The following TASP1 variants were observed in gnomAD, a reference collection of about 807,000 sequenced individuals.
TASP1 encodes taspase 1.
A neutral mutation model predicts 56.6 loss-of-function variants in TASP1; 16 were observed. That is an observed-to-expected ratio of 0.28 (90% CI 0.19 to 0.43). The LOEUF is 0.43. Ranked by LOEUF, TASP1 falls within the 20% of genes least tolerant of loss-of-function variation. TASP1 has a pLI of 1.00. For missense variants in TASP1, 393 were observed against 511.6 expected (o/e 0.77, Z 2.24); for synonymous variants, 179 against 184.2 (o/e 0.97, Z 0.23).
Position 13,569,555 on chromosome 20 carries a change from C to A in TASP1, c.520G>T (p.Ala174Ser). 6.2e-7 allele frequency: 1 copy of A among 1,612,412 alleles called. No homozygotes were observed. The highest frequency in any genetic ancestry group is 1.7e-4 in the Middle Eastern group (1 of 5,936). Residue 174 changes from alanine to serine, a missense_variant, in exon 7 of 14, where the codon GCA (alanine) becomes TCA (serine). By Grantham distance (99) the Ala-to-Ser change is moderately conservative. This residue lies in a region of TASP1 where 293 missense variants were observed against 354.2 expected (regional missense o/e 0.83). Transcript: ENST00000337743. ...FLVGEGAYRW[A>S]VDHGIPSCPP... The stretch of plus-strand genomic sequence containing the variant: ...CAAGAGGGTATTCCATGATCTACTG[C>A]CCATCTGTAGGCTCCTTCTCCAACT...
the TASP1 span, among the ~76,000 whole-genome samples, chr20:13,377,026 A>T: frequency 6.6e-5 from 10 of 152,178 alleles, no homozygotes; most frequent in Middle Eastern, 3.2e-3. Flanking sequence ...GCAAACAGAG[A>T]TTATTTGACT....
chr20:13,587,983 C>T (rs1410288237), intron 4 of TASP1, among the ~76,000 whole-genome samples: 2 of 151,890 alleles, frequency 1.3e-5, no homozygotes, highest in Non-Finnish European at 2.9e-5. Flanking sequence ...AAAACTTAGC[C>T]AGGTGTGGTG....
the TASP1 span, among the ~76,000 whole-genome samples, chr20:13,233,334 G>A: frequency 6.6e-6 from 1 of 151,968 alleles, no homozygotes; most frequent in Non-Finnish European, 1.5e-5. Flanking sequence ...GGTGGCTCAT[G>A]CCTGTAATCC....
At chr20:13,245,438 A>G in the TASP1 span, 5 of 152,208 alleles carry the variant, frequency 3.3e-5, no homozygotes, top group Admixed American at 1.3e-4. Context: ...GTGACATTCC[A>G]TCATGTTTGC....
chr20:13,323,862 G>A, the TASP1 span, among the ~76,000 whole-genome samples: 4,289 of 152,160 alleles, frequency 0.028, 69 homozygotes, highest in Middle Eastern at 0.054. Flanking sequence ...ATAAATAGAT[G>A]GGCCAAAATA....
intron 9 of TASP1, among the ~76,000 whole-genome samples, chr20:13,529,920 TG>T (rs1285890274): frequency 6.6e-6 from 1 of 152,196 alleles, no homozygotes; most frequent in Non-Finnish European, 1.5e-5. Flanking sequence ...CTGCCTCATG[TG>T]GGAACACATT....
intron 13 of TASP1, chr20:13,393,511 A>C (rs2041374632): frequency 1.3e-6 from 1 of 790,934 alleles, no homozygotes; most frequent in African/African-American, 1.7e-5. Flanking sequence ...ACTGAGCACC[A>C]GATTGTCTCC....
At chr20:13,298,208 C>A in the TASP1 span, among the ~76,000 whole-genome samples, 1 of 152,136 alleles carries the variant, frequency 6.6e-6, no homozygotes, top group African/African-American at 2.4e-5. Flanking sequence ...CAGGTTCAAG[C>A]GATTCTCCTG....
At chr20:13,265,107 C>T in the TASP1 span, among the ~76,000 whole-genome samples, 128 of 152,242 alleles carry the variant, frequency 8.4e-4, no homozygotes, top group African/African-American at 2.9e-3. Context: ...TGTCTCTGAT[C>T]GTTACTCTCA....
chr20:13,454,903 T>C (rs903282008), intron 11 of TASP1, among the ~76,000 whole-genome samples: 29 of 152,134 alleles, frequency 1.9e-4, no homozygotes, highest in Admixed American at 2.0e-4. Context: ...TGTCATTTTT[T>C]ACTAAATAAA....
chr20:13,123,612 G>A, the TASP1 span, among the ~76,000 whole-genome samples: 2 of 152,248 alleles, frequency 1.3e-5, no homozygotes, highest in South Asian at 4.1e-4. Context: ...CCTCCAAGGG[G>A]ACAGTTCCTC....
At chr20:13,215,552 A>G in the TASP1 span, among the ~76,000 whole-genome samples, 1 of 152,370 alleles carries the variant, frequency 6.6e-6, no homozygotes, top group African/African-American at 2.4e-5. Flanking sequence ...ATGTTTTAAT[A>G]TCACACAGAA....
At chr20:13,256,294 G>T in the TASP1 span, among the ~76,000 whole-genome samples, 1 of 151,376 alleles carries the variant, frequency 6.6e-6, no homozygotes, top group African/African-American at 2.4e-5. Flanking sequence ...TATTCAGGAG[G>T]CTGAGACAGG....
the TASP1 span, among the ~76,000 whole-genome samples, chr20:13,182,389 C>T: frequency 6.6e-6 from 1 of 152,146 alleles, no homozygotes; most frequent in East Asian, 1.9e-4. Flanking sequence ...TATCTGCTGT[C>T]ACATATTTCA....
chr20:13,610,422 G>A (rs996368978), intron 4 of TASP1, among the ~76,000 whole-genome samples: 15 of 152,140 alleles, frequency 9.9e-5, no homozygotes, highest in Non-Finnish European at 2.9e-5. Flanking sequence ...CCTTCTGGAG[G>A]GCAGAAATGT....
At chr20:13,256,613 G>T in the TASP1 span, among the ~76,000 whole-genome samples, 2 of 152,118 alleles carry the variant, frequency 1.3e-5, no homozygotes, top group Non-Finnish European at 2.9e-5. Context: ...CCATCCTCAA[G>T]GTGGACCTTT....
chr20:13,248,645 C>T, the TASP1 span, among the ~76,000 whole-genome samples: 199 of 152,252 alleles, frequency 1.3e-3, no homozygotes, highest in African/African-American at 4.4e-3. Flanking sequence ...TTTGTTTTCC[C>T]CTTTCAGTTC....
chr20:13,187,620 C>A, the TASP1 span, among the ~76,000 whole-genome samples: 9 of 150,500 alleles, frequency 6.0e-5, no homozygotes, highest in East Asian at 1.0e-3. Flanking sequence ...TGGTAGCGCA[C>A]ACCTGTAGTC....
chr20:13,623,235 A>T (rs1169761496), intron 4 of TASP1, among the ~76,000 whole-genome samples: 1 of 152,090 alleles, frequency 6.6e-6, no homozygotes, highest in Non-Finnish European at 1.5e-5. Context: ...CAAAAAAAAA[A>T]GAAAAGAAAG....
Sources: gnomAD v4.1 joint callset for allele counts (sites outside exome capture counted in the v4.1 genomes callset) on GRCh38, gnomAD v4.1.1 for gene constraint, gnomAD v4.1.1 regional missense constraint, MANE v1.5 for transcripts, NCBI Gene and HGNC (gene_info 2026-07-23, HGNC 2026-07-21) for gene names.